ZNF804B: variants seen among roughly 807,000 people sequenced by gnomAD.
ZNF804B encodes the protein zinc finger protein 804B.
In ZNF804B, 80 loss-of-function variants were observed where a neutral mutation model predicts 101.4. The ratio of observed to expected loss-of-function variants is 0.79; its 90% confidence interval spans 0.66 to 0.95. The LOEUF (loss-of-function observed/expected upper bound fraction) is 0.95. Among genes scored for constraint, ZNF804B ranks in the 40% least tolerant of loss-of-function variants. The pLI, the probability that ZNF804B is intolerant of heterozygous loss-of-function variation, is 0.00. For missense variants in ZNF804B, 1,673 were observed against 1,561.9 expected (o/e 1.07, Z -1.20); for synonymous variants, 622 against 558.8 (o/e 1.11, Z -1.59).
At chr7:88,907,881 T>A (rs191390052) in intron 1 of ZNF804B, among the ~76,000 whole-genome samples, 1 of 152,108 alleles carries the variant, frequency 6.6e-6, no homozygotes, top group Admixed American at 6.6e-5. Flanking sequence ...TCAGGTTGTT[T>A]AGTAAGAGAG....
chr7:88,979,325 T>C (rs1793663116), intron 1 of ZNF804B, among the ~76,000 whole-genome samples: 1 of 152,008 alleles, frequency 6.6e-6, no homozygotes, highest in South Asian at 2.1e-4. Flanking sequence ...CTTTTCCTTC[T>C]GATTGAAGTA....
chr7:89,279,258 C>A (rs1364210835), intron 2 of ZNF804B, among the ~76,000 whole-genome samples: 3 of 151,942 alleles, frequency 2.0e-5, no homozygotes, highest in Non-Finnish European at 4.4e-5. Flanking sequence ...TGGGCTGAGA[C>A]AGTGGGGTTT....
chr7:89,132,604 T>A (rs997837887), intron 1 of ZNF804B, among the ~76,000 whole-genome samples: 5 of 152,012 alleles, frequency 3.3e-5, no homozygotes, highest in African/African-American at 1.2e-4. Context: ...AAAATGGAGG[T>A]AAACTATCAT....
intron 1 of ZNF804B, among the ~76,000 whole-genome samples, chr7:89,193,873 C>A (rs1010483574): frequency 6.6e-6 from 1 of 151,972 alleles, no homozygotes; most frequent in Non-Finnish European, 1.5e-5. Context: ...TTCTAGATCC[C>A]TGAGGAATCG....
chr7:89,145,277 G>A (rs898080745), intron 1 of ZNF804B, among the ~76,000 whole-genome samples: 8 of 151,752 alleles, frequency 5.3e-5, no homozygotes, highest in Admixed American at 6.6e-5. Context: ...AGCAGAGAAG[G>A]AGCCATTATT....
At chr7:89,075,125 A>G (rs1243574390) in intron 1 of ZNF804B, among the ~76,000 whole-genome samples, 2 of 152,210 alleles carry the variant, frequency 1.3e-5, no homozygotes, top group Non-Finnish European at 2.9e-5. Context: ...CAGCCTGACA[A>G]TGCAATAGAG....
At chr7:89,152,252 T>TC in intron 1 of ZNF804B, among the ~76,000 whole-genome samples, 1 of 128,854 alleles carries the variant, frequency 7.8e-6, no homozygotes, top group Non-Finnish European at 1.7e-5. Flanking sequence ...CATGGTTTTT[T>TC]CTTTTTTTTT....
intron 1 of ZNF804B, among the ~76,000 whole-genome samples, chr7:88,987,772 T>C (rs184405170): frequency 1.5e-3 from 221 of 152,202 alleles, no homozygotes; most frequent in Non-Finnish European, 2.4e-3. Flanking sequence ...ATTCCAAGTC[T>C]TCTCTTCTAG....
In ZNF804B at chr7:89,265,295, C is replaced by CGT. The variant is rs1562931366; in HGVS notation, c.249+47001_249+47002insTG. Reference sequence around the variant, plus strand: ...GTGTGTGTGTGTGTGTGTGTGTGTGCGCGTGCGCGCGCGCACACATGCACG... The same window carrying CGT: ...GTGTGTGTGTGTGTGTGTGTGTGTGCGTGCGTGCGCGCGCGCACACATGCACG... On this transcript the variant is annotated intron_variant, in intron 2 of 3. Coordinates refer to ENST00000333190, the MANE Select transcript of ZNF804B (RefSeq NM_181646.5). 7.0e-3 allele frequency among the ~76,000 whole-genome samples: 674 copies of CGT among 95,830 alleles called. 3 individuals are homozygous for CGT. The highest frequency in any genetic ancestry group is 0.02 in the African/African-American group (629 of 31,538). The allele number at this position is 95,830 out of a possible 152,430, so 62.9% of individuals were successfully genotyped here.
chr7:88,852,393 T>G (rs763127814), intron 1 of ZNF804B, among the ~76,000 whole-genome samples: 1 of 152,110 alleles, frequency 6.6e-6, no homozygotes, highest in Non-Finnish European at 1.5e-5. Flanking sequence ...CTAGACTGAT[T>G]AAGGCCCTAG....
intron 2 of ZNF804B, among the ~76,000 whole-genome samples, chr7:89,237,157 T>C (rs553229143): frequency 2.0e-5 from 3 of 152,294 alleles, no homozygotes; most frequent in Admixed American, 6.5e-5. Context: ...TAAGGTATAA[T>C]GTAAACATGA....
chr7:89,115,906 T>TTG (rs2116359044), intron 1 of ZNF804B, among the ~76,000 whole-genome samples: 1 of 123,158 alleles, frequency 8.1e-6, no homozygotes, highest in Admixed American at 8.7e-5. Flanking sequence ...GTTTTTTTGT[T>TTG]TTTTTTTTTC....
chr7:89,307,160 T>C (rs1562941886), intron 2 of ZNF804B, among the ~76,000 whole-genome samples: 2 of 152,116 alleles, frequency 1.3e-5, no homozygotes, highest in South Asian at 4.1e-4. Context: ...AGTAACATTA[T>C]TTTATTTTTA....
intron 1 of ZNF804B, among the ~76,000 whole-genome samples, chr7:88,875,539 C>T (rs1289602865): frequency 6.6e-6 from 1 of 152,044 alleles, no homozygotes; most frequent in Non-Finnish European, 1.5e-5. Context: ...CACCTCTACG[C>T]AAATAAACTA....
chr7:88,859,581 A>G (rs946162030), intron 1 of ZNF804B, among the ~76,000 whole-genome samples: 1 of 152,074 alleles, frequency 6.6e-6, no homozygotes, highest in African/African-American at 2.4e-5. Context: ...ACCATAATTT[A>G]CAGACATAAT....
intron 1 of ZNF804B, among the ~76,000 whole-genome samples, chr7:89,197,894 A>G (rs1025164365): frequency 6.6e-6 from 1 of 151,852 alleles, no homozygotes; most frequent in Non-Finnish European, 1.5e-5. Context: ...ATTATTCTTC[A>G]ATTGAGTAGC....
chr7:88,910,396 A>G (rs1792530661), intron 1 of ZNF804B, among the ~76,000 whole-genome samples: 1 of 151,966 alleles, frequency 6.6e-6, no homozygotes, highest in Non-Finnish European at 1.5e-5. Flanking sequence ...CATATTTCTA[A>G]TAGTTCCCTA....
intron 1 of ZNF804B, among the ~76,000 whole-genome samples, chr7:88,846,917 CAT>C (rs1791381315): frequency 7.3e-6 from 1 of 136,906 alleles, no homozygotes; most frequent in South Asian, 2.2e-4. Flanking sequence ...TATACACATA[CAT>C]ATATATAAAT....
At chr7:89,008,818 C>G (rs140621492) in intron 1 of ZNF804B, among the ~76,000 whole-genome samples, 1 of 152,188 alleles carries the variant, frequency 6.6e-6, no homozygotes, top group Non-Finnish European at 1.5e-5. Flanking sequence ...TACACTCTAT[C>G]TGCTCCCATC....
Sources: gnomAD v4.1 joint callset for allele counts (sites outside exome capture counted in the v4.1 genomes callset) on GRCh38, gnomAD v4.1.1 for gene constraint, MANE v1.5 for transcripts, NCBI Gene and HGNC (gene_info 2026-07-23, HGNC 2026-07-21) for gene names.